Variants in EPS15 observed in about 807,000 individuals in gnomAD.
EPS15 encodes epidermal growth factor receptor pathway substrate 15.
Under a neutral mutation model 113.8 loss-of-function variants are expected in EPS15, and 72 were observed. The ratio of observed to expected loss-of-function variants is 0.63; its 90% CI spans 0.52 to 0.77. The LOEUF (loss-of-function observed/expected upper bound fraction) is 0.77. Among genes scored for constraint, EPS15 ranks in the 30% least tolerant of loss-of-function variants. The pLI is 0.00. For synonymous variants in EPS15, 344 were observed against 363.4 expected (o/e 0.95, Z 0.61); for missense variants, 1,048 against 1,045.8 (o/e 1.00, Z -0.03).
Position 51,391,014 on chromosome 1 carries a change from C to T in EPS15, c.2119+3367G>A, listed in dbSNP as rs558197204. Among the ~76,000 whole-genome samples the T allele has an allele frequency of 8.0e-3, 1,220 of 152,250 alleles. 15 individuals are homozygous for T. The highest frequency in any genetic ancestry group is 9.4e-3 in the Admixed American group (144 of 15,290). Reference sequence around the variant, plus strand: ...ATGCTGCTATAAAGACACATGCACACGTATATTTATTGCAGCACTATTCAC... The same window carrying T: ...ATGCTGCTATAAAGACACATGCACATGTATATTTATTGCAGCACTATTCAC... On this transcript the variant is annotated intron_variant, in intron 21 of 24. Coordinates refer to ENST00000371733, the MANE Select transcript of EPS15 (RefSeq NM_001981.3).
chr1:51,472,906 C>T lies in EPS15; in HGVS notation c.118G>A (p.Ala40Thr), dbSNP rs777463303. The T allele has an allele frequency of 6.2e-7, 1 of 1,613,798 alleles. No individual in the cohort carries two copies. The highest frequency in any genetic ancestry group is 1.1e-5 in the South Asian group (1 of 91,074). The change falls in exon 3 of 25, where the codon GCT becomes ACT. Residue 40 changes from alanine (A) to threonine (T), a missense_variant. Ala to Thr is a moderately conservative substitution (Grantham distance 58). Coordinates refer to ENST00000371733, the MANE Select transcript of EPS15 (RefSeq NM_001981.3). ...NTGRVLASDA[A>T]AFLKKSGLPD... The stretch of plus-strand genomic sequence containing the variant: ...AGCCCTGATTTTTTCAGGAAAGCAG[C>T]AGCATCAGAAGCCAACACCCTTCCA...
At position 51,402,486 on chromosome 1, in the gene EPS15, G is replaced by C. The variant is rs1203203248; in HGVS notation, c.1831C>G (p.Pro611Ala). The change falls in exon 18 of 25, where the codon CCA (proline) becomes GCA (alanine). Residue 611 changes from proline (P) to alanine (A), a missense_variant. Transcript: ENST00000371733. ...FNVDSSSLTG[P>A]VADTNLDFFQ... is the part of the protein sequence containing the mutation. ...AAATCCAAGTTTGTATCTGCAACTG[G>C]ACCTGTCAGCGAACTTGAGTCTACA... The C allele has an allele frequency of 1.3e-6, 2 of 1,589,268 alleles. No individual in the cohort carries two copies. The highest frequency in any genetic ancestry group is 1.7e-6 in the Non-Finnish European group (2 of 1,164,580).
At chr1:51,365,831 T>C in intron 22 of EPS15, 122 bp downstream of exon 22, 1 of 581,976 alleles carries the variant, frequency 1.7e-6, no homozygotes, top group Non-Finnish European at 3.0e-6. Context: ...GAAATCAACA[T>C]TTGCTGTGAT....
intron 1 of EPS15, among the ~76,000 whole-genome samples, chr1:51,504,878 T>C (rs993746325): frequency 6.6e-5 from 10 of 152,138 alleles, no homozygotes; most frequent in Non-Finnish European, 1.0e-4. Context: ...CCCAGTGCTT[T>C]GGGCGGCCGA....
intron 4 of EPS15, among the ~76,000 whole-genome samples, chr1:51,469,510 G>C (rs1161759910): frequency 2.6e-5 from 4 of 152,262 alleles, no homozygotes; most frequent in African/African-American, 9.6e-5. Flanking sequence ...GCTGTTTTGA[G>C]TTAGTGTCAT....
At chr1:51,470,960 C>G (rs76374223) in intron 4 of EPS15, among the ~76,000 whole-genome samples, 4,865 of 152,224 alleles carry the variant, frequency 0.032, 127 homozygotes, top group Non-Finnish European at 0.05. Context: ...CAAAGTAGCC[C>G]TTCTACCCAG....
chr1:51,415,517 C>A (rs1469847109), intron 13 of EPS15, among the ~76,000 whole-genome samples: 1 of 152,072 alleles, frequency 6.6e-6, no homozygotes, highest in African/African-American at 2.4e-5. Context: ...AAATTCTGGG[C>A]CAGGCGTGGT....
At chr1:51,398,067 T>A (rs1386179178) in intron 20 of EPS15, among the ~76,000 whole-genome samples, 1 of 151,952 alleles carries the variant, frequency 6.6e-6, no homozygotes, top group African/African-American at 2.4e-5. Flanking sequence ...TTTTTTTTTT[T>A]TTTTGAGACG....
intron 24 of EPS15, among the ~76,000 whole-genome samples, chr1:51,359,443 TAAAAAAAAA>T (rs148380501): frequency 9.6e-6 from 1 of 104,058 alleles, no homozygotes; most frequent in Non-Finnish European, 1.9e-5. Context: ...ACTCTGTCTT[TAAAAAAAAA>T]AAAAAAAAAA....
At chr1:51,456,699 T>G (rs1481223394) in intron 8 of EPS15, among the ~76,000 whole-genome samples, 2 of 152,204 alleles carry the variant, frequency 1.3e-5, no homozygotes, top group Admixed American at 6.5e-5. Context: ...CAAAATTCAG[T>G]TTTGTAAAAT....
At chr1:51,406,145 T>C (rs1377420296) in intron 15 of EPS15, 37 bp from the exon 16 acceptor site, 22 of 1,574,576 alleles carry the variant, frequency 1.4e-5, no homozygotes, top group Middle Eastern at 2.2e-4. Context: ...ACAGAATTTA[T>C]TACTAGAAAG....
At chr1:51,507,981 T>A (rs768451091) in intron 1 of EPS15, among the ~76,000 whole-genome samples, 56 of 151,522 alleles carry the variant, frequency 3.7e-4, no homozygotes, top group Non-Finnish European at 6.2e-4. Flanking sequence ...ATCGAGACCA[T>A]CCTGGCCAAC....
At chr1:51,493,904 G>A (rs542062231) in intron 1 of EPS15, among the ~76,000 whole-genome samples, 8 of 151,934 alleles carry the variant, frequency 5.3e-5, no homozygotes, top group East Asian at 1.9e-4. Context: ...CATGAGCCAC[G>A]GTGCCCAGCT....
At chr1:51,497,143 C>T (rs912589661) in intron 1 of EPS15, among the ~76,000 whole-genome samples, 4 of 152,176 alleles carry the variant, frequency 2.6e-5, no homozygotes, top group African/African-American at 7.2e-5. Flanking sequence ...TAAAATTCAA[C>T]TTCATGTAGT....
At chr1:51,508,331 A>AAAG (rs1157863626) in intron 1 of EPS15, among the ~76,000 whole-genome samples, 5 of 105,142 alleles carry the variant, frequency 4.8e-5, no homozygotes, top group African/African-American at 1.9e-4. Flanking sequence ...AGAGAGAAAG[A>AAAG]GAAAGAGAGA....
intron 12 of EPS15, among the ~76,000 whole-genome samples, chr1:51,424,564 C>A (rs1301354533): frequency 6.6e-6 from 1 of 152,020 alleles, no homozygotes; most frequent in Non-Finnish European, 1.5e-5. Flanking sequence ...CTCAAGGAGC[C>A]CACCAATATA....
intron 8 of EPS15, among the ~76,000 whole-genome samples, chr1:51,457,009 G>C (rs1654047429): frequency 6.6e-6 from 1 of 152,152 alleles, no homozygotes; most frequent in African/African-American, 2.4e-5. Context: ...GGGGGGGCCA[G>C]GCACAGTGGC....
intron 8 of EPS15, among the ~76,000 whole-genome samples, chr1:51,449,163 C>A (rs1653320826): frequency 6.6e-6 from 1 of 152,086 alleles, no homozygotes; most frequent in South Asian, 2.1e-4. Context: ...GCACTATTCA[C>A]AATAGCAAAG....
intron 4 of EPS15, among the ~76,000 whole-genome samples, chr1:51,469,673 T>C (rs1166088149): frequency 1.3e-5 from 2 of 152,278 alleles, no homozygotes; most frequent in Non-Finnish European, 2.9e-5. Context: ...CCCATTCTTA[T>C]CACCTTGCAG....
Sources: gnomAD v4.1 joint callset for allele counts (sites outside exome capture counted in the v4.1 genomes callset) on GRCh38, gnomAD v4.1.1 for gene constraint, MANE v1.5 for transcripts, NCBI Gene and HGNC (gene_info 2026-07-23, HGNC 2026-07-21) for gene names.